SH3D19: variants seen among roughly 807,000 people sequenced by gnomAD.
The protein encoded by SH3D19 is SH3 domain-containing protein 19.
SH3D19 carries 58 observed loss-of-function variants against 112.1 expected under a neutral mutation model. The observed-to-expected ratio is 0.52, with a 90% CI of 0.42 to 0.64. The LOEUF is 0.64. Ranked by LOEUF, SH3D19 falls within the 30% of genes least tolerant of loss-of-function variation. The pLI is 0.00. For synonymous variants in SH3D19, 391 were observed against 448.5 expected (o/e 0.87, Z 1.62); for missense variants, 1,090 against 1,263.4 (o/e 0.86, Z 2.08).
At chr4:151,306,854 T>C (rs1358004682) in intron 1 of SH3D19, among the ~76,000 whole-genome samples, 2 of 152,218 alleles carry the variant, frequency 1.3e-5, no homozygotes, top group Non-Finnish European at 2.9e-5. Context: ...TCAGCAACAC[T>C]GGACTTGTCC....
intron 1 of SH3D19, among the ~76,000 whole-genome samples, chr4:151,286,364 A>G (rs79097365): frequency 1.3e-5 from 2 of 148,410 alleles, no homozygotes; most frequent in Admixed American, 6.8e-5. Flanking sequence ...ACTGAGCAAG[A>G]AAAAAAAAAG....
intron 3 of SH3D19, among the ~76,000 whole-genome samples, chr4:151,185,056 T>G (rs990823297): frequency 1.7e-4 from 25 of 150,084 alleles, no homozygotes; most frequent in African/African-American, 3.4e-4. Flanking sequence ...TTTTTTTTTT[T>G]TTTTTTTTTT....
chr4:151,240,588 C>T (rs1770477589), intron 1 of SH3D19, among the ~76,000 whole-genome samples: 1 of 151,818 alleles, frequency 6.6e-6, no homozygotes, highest in African/African-American at 2.4e-5. Flanking sequence ...AATAAGATAC[C>T]ACTTCACACC....
At chr4:151,126,905 C>T (rs1237556859) in intron 19 of SH3D19, among the ~76,000 whole-genome samples, 2 of 146,320 alleles carry the variant, frequency 1.4e-5, no homozygotes, top group Non-Finnish European at 3.0e-5. Context: ...TGCAAACTAG[C>T]TCAACCTTTT....
chr4:151,134,158 A>C (rs1751326962), intron 15 of SH3D19, among the ~76,000 whole-genome samples: 1 of 152,242 alleles, frequency 6.6e-6, no homozygotes, highest in African/African-American at 2.4e-5. Context: ...CTGAAATAGA[A>C]TTCAACTATT....
intron 2 of SH3D19, among the ~76,000 whole-genome samples, chr4:151,214,701 T>A (rs1766699655): frequency 1.7e-5 from 1 of 59,902 alleles, no homozygotes. Context: ...CACTTCCCAG[T>A]AGGGGCGGCC....
At chr4:151,257,075 ATTTATTTG>A (rs1771985103) in intron 1 of SH3D19, among the ~76,000 whole-genome samples, 2 of 151,088 alleles carry the variant, frequency 1.3e-5, no homozygotes, top group Non-Finnish European at 2.9e-5. Flanking sequence ...TTATTTATTT[ATTTATTTG>A]TTTGTTTGTT....
Position 151,174,751 on chromosome 4 carries a change from G to C in SH3D19, c.1453C>G (p.Leu485Val). 1 of 1,531,178 alleles carries C rather than the reference G, an allele frequency of 6.5e-7. No individual in the cohort carries two copies. The highest frequency in any genetic ancestry group is 8.7e-7 in the Non-Finnish European group (1 of 1,143,702). The allele number at this position is 1,531,178 out of a possible 1,614,324, so 94.8% of individuals were successfully genotyped here. A position where few individuals can be genotyped will look rare whatever the true frequency, so the allele number is the denominator to read the frequency against. Reference sequence around the variant, plus strand: ...AAAACATCATCATCAAAGCTGATGAGATCGATGTCCACCAAGGGCTTGCTC... The same window carrying C: ...AAAACATCATCATCAAAGCTGATGACATCGATGTCCACCAAGGGCTTGCTC... ...LQSKPLVDIDLISFDDDVLPT... is the reference protein window; with the variant it reads ...LQSKPLVDIDVISFDDDVLPT... Residue 485 changes from leucine (L) to valine (V), a missense_variant, in exon 7 of 20, where the codon CTC becomes GTC. Transcript: ENST00000604030.
chr4:151,204,943 C>T (rs775627413), intron 2 of SH3D19, among the ~76,000 whole-genome samples: 2 of 151,996 alleles, frequency 1.3e-5, no homozygotes, highest in Non-Finnish European at 2.9e-5. Context: ...GCCTCAGTCT[C>T]TCGAGTAGCC....
intron 2 of SH3D19, among the ~76,000 whole-genome samples, chr4:151,209,281 A>ATTT (rs112135341): frequency 3.5e-5 from 5 of 143,280 alleles, no homozygotes; most frequent in South Asian, 2.2e-4. Context: ...TCGAAAAAGT[A>ATTT]TTTTTTTTTT....
rs578217662 is a variant in SH3D19 at position 151,263,225 on chromosome 4, G to A, written c.113-37139C>T. ...TTGATGAAATTGAAGACAGAGCCTG[G>A]GGAAGTGCAGAAGCAGAGAACTTGA... On this transcript the variant is annotated intron_variant, in intron 1 of 19. Transcript: ENST00000604030. Among the ~76,000 whole-genome samples the A allele has an allele frequency of 1.3e-3, 191 of 152,154 alleles. 1 individual carries two copies. Among genetic ancestry groups the A allele is most frequent in the Non-Finnish European group, 2.3e-3 (156 of 68,042 alleles).
At chr4:151,240,128 G>A (rs980162962) in intron 1 of SH3D19, among the ~76,000 whole-genome samples, 2 of 152,082 alleles carry the variant, frequency 1.3e-5, no homozygotes, top group African/African-American at 2.4e-5. Flanking sequence ...TAATTAGCTG[G>A]GCACAATGTT....
At chr4:151,264,730 A>G (rs1772641662) in intron 1 of SH3D19, among the ~76,000 whole-genome samples, 1 of 152,192 alleles carries the variant, frequency 6.6e-6, no homozygotes, top group Non-Finnish European at 1.5e-5. Flanking sequence ...CATCCTGTAG[A>G]CAATCAGAGT....
At chr4:151,128,819 T>C (rs1749983993) in intron 17 of SH3D19, among the ~76,000 whole-genome samples, 1 of 152,108 alleles carries the variant, frequency 6.6e-6, no homozygotes, top group South Asian at 2.1e-4. Flanking sequence ...AATTTTATTT[T>C]ATTTTTGCAG....
At chr4:151,183,758 C>T (rs1761304936) in intron 3 of SH3D19, among the ~76,000 whole-genome samples, 1 of 152,166 alleles carries the variant, frequency 6.6e-6, no homozygotes, top group Non-Finnish European at 1.5e-5. Context: ...ATATAAGAAA[C>T]TTACTGACTA....
intron 1 of SH3D19, among the ~76,000 whole-genome samples, chr4:151,312,823 C>G (rs183046122): frequency 2.6e-4 from 39 of 151,750 alleles, no homozygotes; most frequent in African/African-American, 8.7e-4. Flanking sequence ...ATGGTGTGAA[C>G]CCGGGAGGCG....
chr4:151,226,584 C>T (rs1464928013), intron 1 of SH3D19: 2 of 573,134 alleles, frequency 3.5e-6, no homozygotes, highest in African/African-American at 2.0e-5. Flanking sequence ...CAGAACATTT[C>T]AGAAGTTGGA....
At chr4:151,201,211 A>G (rs1016857565) in intron 2 of SH3D19, among the ~76,000 whole-genome samples, 1 of 152,250 alleles carries the variant, frequency 6.6e-6, no homozygotes, top group African/African-American at 2.4e-5. Context: ...CTTTCTGGAA[A>G]CAGCAGGCTG....
chr4:151,192,053 T>C (rs1762750816), intron 2 of SH3D19, among the ~76,000 whole-genome samples: 2 of 150,606 alleles, frequency 1.3e-5, no homozygotes. Flanking sequence ...CACGCCATTC[T>C]CCTGCTTCAG....
Sources: allele counts gnomAD v4.1 joint callset (sites outside exome capture counted in the v4.1 genomes callset), GRCh38; gene constraint gnomAD v4.1.1; transcripts MANE v1.5; gene names NCBI Gene and HGNC (gene_info 2026-07-23, HGNC 2026-07-21).